The following SIK3 variants were observed in gnomAD, a reference collection of about 807,000 sequenced individuals.
SIK3 encodes the protein serine/threonine-protein kinase SIK3.
In SIK3, 28 loss-of-function variants were observed where a neutral mutation model predicts 144.2. The ratio of observed to expected loss-of-function variants is 0.19; its 90% CI spans 0.14 to 0.27. The LOEUF (loss-of-function observed/expected upper bound fraction) is 0.27. Among genes scored for constraint, SIK3 ranks in the 10% least tolerant of loss-of-function variants. The probability of loss-of-function intolerance (pLI) is 1.00; values close to 1 mark genes in which losing one functional copy is unlikely to be tolerated. For missense variants in SIK3, 1,319 were observed against 1,776.0 expected (o/e 0.74, Z 4.62); for synonymous variants, 686 against 676.3 (o/e 1.01, Z -0.22).
At chr11:117,076,819 G>T (rs955364420) in intron 1 of SIK3, among the ~76,000 whole-genome samples, 1 of 152,078 alleles carries the variant, frequency 6.6e-6, no homozygotes. Flanking sequence ...GAGATTACAG[G>T]CATGAGCCAC....
intron 6 of SIK3, among the ~76,000 whole-genome samples, chr11:116,887,251 A>AG: frequency 6.6e-6 from 1 of 150,652 alleles, no homozygotes; most frequent in East Asian, 1.9e-4. Context: ...ACACTAAAAA[A>AG]AAAAAAAAAA....
At chr11:117,023,234 T>C (rs1319522630) in intron 1 of SIK3, among the ~76,000 whole-genome samples, 1 of 152,120 alleles carries the variant, frequency 6.6e-6, no homozygotes, top group Non-Finnish European at 1.5e-5. Context: ...TCAAGGCCTC[T>C]CTGACCATCC....
intron 1 of SIK3, among the ~76,000 whole-genome samples, chr11:116,989,838 A>C (rs1260120338): frequency 6.6e-6 from 1 of 152,216 alleles, no homozygotes; most frequent in African/African-American, 2.4e-5. Flanking sequence ...ATAGTTTCTG[A>C]AAGTTTAACT....
At chr11:116,937,389 T>C (rs1417435867) in intron 3 of SIK3, among the ~76,000 whole-genome samples, 1 of 152,238 alleles carries the variant, frequency 6.6e-6, no homozygotes, top group Non-Finnish European at 1.5e-5. Flanking sequence ...CTTACATAAC[T>C]GAAACAATTC....
At chr11:117,049,482 G>T (rs1354858859) in intron 1 of SIK3, among the ~76,000 whole-genome samples, 1 of 151,978 alleles carries the variant, frequency 6.6e-6, no homozygotes, top group African/African-American at 2.4e-5. Flanking sequence ...GGAGGCTGAG[G>T]CATGAGAATG....
At chr11:117,078,512 T>C (rs1199836087) in intron 1 of SIK3, among the ~76,000 whole-genome samples, 1 of 151,010 alleles carries the variant, frequency 6.6e-6, no homozygotes, top group African/African-American at 2.5e-5. Flanking sequence ...ACCTCCCTGG[T>C]TAAGCAAGTC....
At position 117,082,755 on chromosome 11, in the gene SIK3, T is replaced by C. The variant is rs111227758; in HGVS notation, c.273+15388A>G. On this transcript the variant is annotated intron_variant, in intron 1 of 24. Coordinates refer to ENST00000445177, the MANE Select transcript of SIK3 (RefSeq NM_001366686.3). Reference sequence around the variant, plus strand: ...CTTAAAAAAAATTGGGTGAACTGTATGGTCTGTGAAATGTACCTCAATAAA... The same window carrying C: ...CTTAAAAAAAATTGGGTGAACTGTACGGTCTGTGAAATGTACCTCAATAAA... Among the ~76,000 whole-genome samples, 1,098 of 152,260 alleles carry C rather than the reference T, an allele frequency of 7.2e-3. 6 individuals carry two copies. The highest frequency in any genetic ancestry group is 0.034 in the Middle Eastern group (10 of 294).
At chr11:116,958,991 G>C (rs1380934868) in intron 1 of SIK3, among the ~76,000 whole-genome samples, 1 of 152,144 alleles carries the variant, frequency 6.6e-6, no homozygotes, top group Non-Finnish European at 1.5e-5. Flanking sequence ...ATGGCACCTT[G>C]TAATGTACAG....
At chr11:117,035,492 A>G (rs2135822462) in intron 1 of SIK3, among the ~76,000 whole-genome samples, 1 of 152,270 alleles carries the variant, frequency 6.6e-6, no homozygotes, top group East Asian at 1.9e-4. Flanking sequence ...GCTATCCCCC[A>G]TCTGTGATTT....
chr11:117,060,345 C>A (rs1356204233), intron 1 of SIK3, among the ~76,000 whole-genome samples: 1 of 152,036 alleles, frequency 6.6e-6, no homozygotes, highest in East Asian at 1.9e-4. Context: ...GCCTGTAATC[C>A]CAGCACTTTG....
At chr11:116,954,174 A>G (rs1156976631) in intron 2 of SIK3, 67 bp from the exon 3 acceptor site, 1 of 1,208,536 alleles carries the variant, frequency 8.3e-7, no homozygotes, top group African/African-American at 1.5e-5. Context: ...AAGATAAACT[A>G]ATGACTCCTC....
intron 22 of SIK3, among the ~76,000 whole-genome samples, chr11:116,848,748 A>G (rs1385168858): frequency 5.3e-5 from 8 of 152,206 alleles, no homozygotes; most frequent in Non-Finnish European, 1.2e-4. Flanking sequence ...GAATTGCCTG[A>G]GCTCAGGAAT....
chr11:116,854,232 C>A (rs1037801482), intron 21 of SIK3, among the ~76,000 whole-genome samples: 16 of 152,110 alleles, frequency 1.1e-4, no homozygotes, highest in Non-Finnish European at 1.8e-4. Context: ...TGTAGTGGCA[C>A]GCGCCTGTAG....
At chr11:116,885,780 T>A (rs1944785589) in intron 6 of SIK3, among the ~76,000 whole-genome samples, 1 of 152,234 alleles carries the variant, frequency 6.6e-6, no homozygotes, top group South Asian at 2.1e-4. Flanking sequence ...CCAGACTGCC[T>A]GGGTTCAAAT....
chr11:116,870,960 A>G (rs533093965), intron 13 of SIK3, among the ~76,000 whole-genome samples: 1 of 152,220 alleles, frequency 6.6e-6, no homozygotes, highest in Non-Finnish European at 1.5e-5. Context: ...TGAAATGTCT[A>G]GGACTTGACC....
At chr11:117,097,347 T>C (rs1358349710) in intron 1 of SIK3, among the ~76,000 whole-genome samples, 1 of 151,282 alleles carries the variant, frequency 6.6e-6, no homozygotes, top group Non-Finnish European at 1.5e-5. Flanking sequence ...TTCCCGACCC[T>C]CCAACAACTA....
chr11:117,064,888 G>A (rs1026905119), intron 1 of SIK3, among the ~76,000 whole-genome samples: 6 of 152,118 alleles, frequency 3.9e-5, no homozygotes, highest in African/African-American at 9.7e-5. Context: ...GGTGGCTCAC[G>A]CCTGTAATCC....
intron 19 of SIK3, among the ~76,000 whole-genome samples, chr11:116,860,155 G>C (rs1262165875): frequency 6.6e-6 from 1 of 151,570 alleles, no homozygotes; most frequent in Non-Finnish European, 1.5e-5. Flanking sequence ...TGAGGCAGGA[G>C]AATCATTTGA....
chr11:116,960,598 G>C (rs1183538781), intron 1 of SIK3, among the ~76,000 whole-genome samples: 1 of 152,122 alleles, frequency 6.6e-6, no homozygotes, highest in Non-Finnish European at 1.5e-5. Flanking sequence ...CTGAAAGCAA[G>C]GACTCTGAAG....
Sources: allele counts gnomAD v4.1 joint callset (sites outside exome capture counted in the v4.1 genomes callset), GRCh38; gene constraint gnomAD v4.1.1; transcripts MANE v1.5; gene names NCBI Gene and HGNC (gene_info 2026-07-23, HGNC 2026-07-21).